The following DBR1 variants were observed in gnomAD, a reference collection of about 807,000 sequenced individuals.
DBR1 encodes the protein debranching RNA lariats 1, also known as lariat debranching enzyme.
In DBR1, 33 loss-of-function variants were observed where a neutral mutation model predicts 45.9. That is an observed-to-expected ratio of 0.72 (90% confidence interval 0.55 to 0.96). The LOEUF (loss-of-function observed/expected upper bound fraction) is 0.96, where lower values mean the gene tolerates loss of function less well. Among genes scored for constraint, DBR1 ranks in the 40% least tolerant of loss-of-function variants. The pLI is 0.00. For missense variants in DBR1, 619 were observed against 667.4 expected, an observed-to-expected ratio of 0.93 and a Z score of 0.80; for synonymous variants, 235 against 235.9, an observed-to-expected ratio of 1.00 and a Z score of 0.04.
At position 138,173,569 on chromosome 3, in the gene DBR1, A is replaced by G. The variant is rs936404709; in HGVS notation, c.255T>C (p.His85=). 2 of 1,613,914 alleles carry G rather than the reference A, an allele frequency of 1.2e-6. No homozygotes were observed. Among genetic ancestry groups the G allele is most frequent in the East Asian group, 2.2e-5 (1 of 44,868 alleles). ...ACTCTTGCAAATGATTTGAGGCTTCATGGTTTCCCCCAATGAAGAGCGTGA... is the reference window on the plus strand; with the variant it reads ...ACTCTTGCAAATGATTTGAGGCTTCGTGGTTTCCCCCAATGAAGAGCGTGA... The part of the protein sequence containing the change: ...PVLTLFIGGN[H]EASNHLQELP... Residue 85 remains histidine, a synonymous_variant, in exon 2 of 8, where the codon CAT becomes CAC. Transcript: ENST00000260803.
chr3:138,166,899 T>C (rs890347673), intron 5 of DBR1, among the ~76,000 whole-genome samples, 182 bp downstream of exon 5: 6 of 152,226 alleles, frequency 3.9e-5, no homozygotes, highest in African/African-American at 1.4e-4. Context: ...TCCCACTGCC[T>C]ACGTTTTCTC....
chr3:138,173,323 A>G (rs1466899157), intron 2 of DBR1, among the ~76,000 whole-genome samples, 179 bp downstream of exon 2: 2 of 152,228 alleles, frequency 1.3e-5, no homozygotes, highest in Non-Finnish European at 2.9e-5. Context: ...GATGAAGGGC[A>G]TATTTTCATG....
At chr3:138,174,481 C>T in intron 1 of DBR1, 118 bp downstream of exon 1, 1 of 1,061,052 alleles carries the variant, frequency 9.4e-7, no homozygotes, top group Non-Finnish European at 1.4e-6. Context: ...TTCAGTTAGG[C>T]ACCAATTAGA....
intron 5 of DBR1, among the ~76,000 whole-genome samples, chr3:138,166,824 C>T (rs2042932262): frequency 6.6e-6 from 1 of 152,158 alleles, no homozygotes; most frequent in Admixed American, 6.6e-5. Flanking sequence ...CAGCTATCAC[C>T]TTTTGAAAAC....
chr3:138,169,632 T>C (rs1359327206), intron 4 of DBR1, among the ~76,000 whole-genome samples: 1 of 152,136 alleles, frequency 6.6e-6, no homozygotes, highest in Non-Finnish European at 1.5e-5. Flanking sequence ...CTCGTAATTA[T>C]TGAAGTAAAA....
At chr3:138,171,740 C>G in intron 2 of DBR1, 27 bp from the exon 3 acceptor site, 4 of 1,545,698 alleles carry the variant, frequency 2.6e-6, no homozygotes, top group Non-Finnish European at 2.7e-6. Flanking sequence ...AATAAAATTA[C>G]TGTAGGCAAA....
At position 138,162,127 on chromosome 3, in the gene DBR1, G is replaced by A. The variant is rs1377219993; in HGVS notation, c.1397C>T (p.Ser466Phe). 3 of 1,614,178 alleles carry A rather than the reference G, an allele frequency of 1.9e-6. No homozygotes were observed. Among genetic ancestry groups the A allele is most frequent in the Non-Finnish European group, 2.5e-6 (3 of 1,180,030 alleles). Residue 466 changes from serine to phenylalanine, a missense_variant, in exon 8 of 8, where the codon TCT becomes TTT. Physicochemically the swap from Ser to Phe is radical, Grantham distance 155. Around this residue, in one of 3 missense-constraint regions of DBR1, gnomAD observed 182 missense variants for 196.1 expected, o/e 0.93. Coordinates refer to ENST00000260803, the MANE Select transcript of DBR1 (RefSeq NM_016216.4). ...DQASEFSASF[S>F]DVRILPGSMI... is the part of the protein sequence containing the mutation. The stretch of plus-strand genomic sequence containing the variant: ...AGAGCCTGGCAAGATCCTGACATCA[G>A]AGAAACTTGCAGAAAACTCAGAAGC...
At chr3:138,173,690 A>G (rs1001607502) in intron 1 of DBR1, 64 bp from the exon 2 acceptor site, 35 of 998,766 alleles carry the variant, frequency 3.5e-5, no homozygotes, top group Non-Finnish European at 4.0e-5. Flanking sequence ...ATAAGTTCCG[A>G]AAAAAAAAAA....
Position 138,174,879 on chromosome 3 carries a change from C to A in DBR1, c.-84G>T. ...GACCGACTGATCGCTCAGCTCCCGCCAACTTTAATAAGTATAGCCACCGCC... is the reference window on the plus strand; with the variant it reads ...GACCGACTGATCGCTCAGCTCCCGCAAACTTTAATAAGTATAGCCACCGCC... On this transcript the variant is annotated 5_prime_UTR_variant, in exon 1 of 8. Transcript: ENST00000260803. 7.3e-7 allele frequency: 1 copy of A among 1,363,082 alleles called. No individual in the cohort carries two copies. The highest frequency in any genetic ancestry group is 1.0e-6 in the Non-Finnish European group (1 of 995,926). 84.4% of individuals were successfully genotyped at this position (1,363,082 alleles called of 1,614,324 possible).
At chr3:138,174,461 C>T (rs2107907359) in intron 1 of DBR1, 138 bp downstream of exon 1, 2 of 881,022 alleles carry the variant, frequency 2.3e-6, no homozygotes, top group East Asian at 2.7e-5. Flanking sequence ...CCCACTACCT[C>T]ACCCCTGTAT....
intron 2 of DBR1, among the ~76,000 whole-genome samples, chr3:138,173,139 G>A (rs1322178016): frequency 1.3e-5 from 2 of 150,102 alleles, no homozygotes; most frequent in Non-Finnish European, 2.9e-5. Flanking sequence ...CGTTGAAGCT[G>A]GTTAACAGGT....
chr3:138,162,300 T>G lies in DBR1; in HGVS notation c.1224A>C (p.Gly408=). 6.2e-7 allele frequency: 1 copy of G among 1,614,084 alleles called. No individual in the cohort carries two copies. The highest frequency in any genetic ancestry group is 1.1e-5 in the South Asian group (1 of 91,082). The part of the protein sequence containing the change: ...EQDDVESNDS[G]EDQSEYNTDT... ...CTGTATTATATTCACTCTGGTCTTC[T>G]CCAGAGTCATTACTCTCCACATCAT... is the stretch of plus-strand genomic sequence containing the variant. Residue 408 remains glycine (G), a synonymous_variant, in exon 8 of 8, where the codon GGA becomes GGC. Transcript: ENST00000260803.
chr3:138,174,524 A>T (rs1186069748), intron 1 of DBR1, 75 bp downstream of exon 1: 25 of 1,436,764 alleles, frequency 1.7e-5, no homozygotes, highest in Middle Eastern at 4.1e-4. Context: ...GATCTAAGGG[A>T]AACAGGCAGC....
chr3:138,164,910 G>C (rs1450779895), intron 5 of DBR1, among the ~76,000 whole-genome samples: 1 of 152,106 alleles, frequency 6.6e-6, no homozygotes, highest in African/African-American at 2.4e-5. Flanking sequence ...GCCTCCCAAA[G>C]TGCTGGGATT....
chr3:138,172,999 T>C (rs1441712438), intron 2 of DBR1, among the ~76,000 whole-genome samples: 1 of 151,644 alleles, frequency 6.6e-6, no homozygotes. Context: ...TAAAGATCCT[T>C]ATCACTTAAA....
chr3:138,163,376 A>G lies in DBR1; in HGVS notation c.914T>C (p.Met305Thr). 1.2e-6 allele frequency: 2 copies of G among 1,613,890 alleles called. No individual in the cohort carries two copies. The highest frequency in any genetic ancestry group is 1.7e-6 in the Non-Finnish European group (2 of 1,179,824). Reference sequence around the variant, plus strand: ...TGCATGCAGGCCATTATTTTCTGGCATATTCCACAGGCGCCCAGTCACATT... The same window carrying G: ...TGCATGCAGGCCATTATTTTCTGGCGTATTCCACAGGCGCCCAGTCACATT... ...LINVTGRLWNMPENNGLHARW... is the reference protein window; with the variant it reads ...LINVTGRLWNTPENNGLHARW... Residue 305 changes from methionine (M) to threonine (T), a missense_variant, in exon 7 of 8, where the codon ATG (methionine) becomes ACG (threonine). Transcript: ENST00000260803.
chr3:138,165,365 T>G (rs1003060453), intron 5 of DBR1, among the ~76,000 whole-genome samples: 2 of 152,204 alleles, frequency 1.3e-5, no homozygotes, highest in South Asian at 4.1e-4. Flanking sequence ...AAATTGTGTG[T>G]CATGTCAAAA....
intron 1 of DBR1, 93 bp downstream of exon 1, chr3:138,174,506 A>G (rs2042969573): frequency 6.1e-6 from 8 of 1,320,058 alleles, no homozygotes; most frequent in Non-Finnish European, 8.4e-6. Context: ...CAGAGAGAAC[A>G]AAGACAGGAT....
At chr3:138,162,738 A>C in intron 7 of DBR1, among the ~76,000 whole-genome samples, 156 bp from the exon 8 acceptor site, 1 of 152,320 alleles carries the variant, frequency 6.6e-6, no homozygotes, top group South Asian at 2.1e-4. Flanking sequence ...AGGACCATTT[A>C]GAAAAAAAAA....
Sources: allele counts gnomAD v4.1 joint callset (sites outside exome capture counted in the v4.1 genomes callset), GRCh38; gene constraint gnomAD v4.1.1; regional missense constraint gnomAD v4.1.1; transcripts MANE v1.5; gene names NCBI Gene and HGNC (gene_info 2026-07-23, HGNC 2026-07-21).